Variants in PCBD1 observed in about 807,000 individuals in gnomAD.
PCBD1 encodes pterin-4-alpha-carbinolamine dehydratase.
PCBD1 carries 16 observed loss-of-function variants against 12.6 expected under a neutral mutation model. That is an observed-to-expected ratio of 1.27 (90% CI 0.86 to 1.93). PCBD1 has a LOEUF of 1.93. Ranked by LOEUF, PCBD1 falls within the 30% of genes most tolerant of loss-of-function variation. The pLI, the probability that PCBD1 is intolerant of heterozygous loss-of-function variation, is 0.00. For missense variants in PCBD1, 86 were observed against 130.1 expected, an observed-to-expected ratio of 0.66 and a Z score of 1.65; for synonymous variants, 53 against 50.2, an observed-to-expected ratio of 1.05 and a Z score of -0.23.
At chr10:70,882,964 A>ATC (rs55742262), downstream of PCBD1, among the ~76,000 whole-genome samples, 53,303 of 152,076 alleles carry the variant, frequency 0.35, 9,698 homozygotes, top group South Asian at 0.5. Context: ...TCCTTTGGGC[A>ATC]TCATGTTGGC....
chr10:70,884,656 G>C (rs1846554983), intron 3 of PCBD1, among the ~76,000 whole-genome samples: 1 of 151,854 alleles, frequency 6.6e-6, no homozygotes. Flanking sequence ...TAATTTTTTT[G>C]TGTTTTTAGT....
rs776417813 is a variant in PCBD1 at position 70,884,087 on chromosome 10, C to G, written c.217-39G>C. On this transcript the variant is annotated intron_variant, in intron 3 of 3. Transcript: ENST00000299299. ...AGAAATTCTGCTTCCACTGACTTCA[C>G]TTAAGAACAGGAGGGAGTCACTAGC... 7 of 1,600,872 alleles carry G rather than the reference C, an allele frequency of 4.4e-6. No individual in the cohort carries two copies. The East Asian group carries it at 1.6e-4, about 36-fold the overall frequency.
At chr10:70,884,781 C>G (rs566178128) in intron 3 of PCBD1, among the ~76,000 whole-genome samples, 1 of 152,268 alleles carries the variant, frequency 6.6e-6, no homozygotes, top group African/African-American at 2.4e-5. Flanking sequence ...ATTACTTTTT[C>G]ATTCTTCCAT....
chr10:70,885,976 G>A, intron 1 of PCBD1, 47 bp from the exon 2 acceptor site: 2 of 1,605,934 alleles, frequency 1.2e-6, no homozygotes, highest in Non-Finnish European at 1.7e-6. Flanking sequence ...TCTCTTTATA[G>A]GTCAAAACAG....
chr10:70,885,212 T>TCTTG lies in PCBD1; in HGVS notation c.152_155dup (p.Arg52SerfsTer8), dbSNP rs749580339. On this transcript the variant is annotated frameshift_variant, in exon 3 of 4. Transcript: ENST00000299299. LOFTEE classifies it high-confidence loss of function. ...CCAGTTTCTCAGCCTGCAGGGCCAC[T>TCTTG]CTTGTCATGAACCCAAAGGCCTATT... 5.6e-6 allele frequency: 9 copies of TCTTG among 1,613,960 alleles called. No individual in the cohort carries two copies. The highest frequency in any genetic ancestry group is 1.3e-5 in the African/African-American group (1 of 74,932).
At position 70,885,340 on chromosome 10, in the gene PCBD1, G is replaced by A. The variant is rs539592127; in HGVS notation, c.136-108C>T. On this transcript the variant is annotated intron_variant, in intron 2 of 3. Transcript: ENST00000299299. ...AGGATGAATTAGCTTCCCCCCAGGA[G>A]ACTCCTCTATAATCATTTCCCCCTT... is the stretch of plus-strand genomic sequence containing the variant. 69 of 788,786 alleles carry A rather than the reference G, an allele frequency of 8.7e-5. No homozygotes were observed. The East Asian group carries it at 1.8e-3, about 20-fold the overall frequency. 48.9% of individuals were successfully genotyped at this position (788,786 alleles called of 1,614,324 possible). A position where few individuals can be genotyped will look rare whatever the true frequency, so the allele number is the denominator to read the frequency against.
chr10:70,885,144 T>C lies in PCBD1; in HGVS notation c.216+8A>G. On this transcript the variant is annotated splice_region_variant and intron_variant, in intron 3 of 3. Coordinates refer to ENST00000299299, the MANE Select transcript of PCBD1 (RefSeq NM_000281.4). The stretch of plus-strand genomic sequence containing the variant: ...CAGAGCACAACAGAGGCACACAGCA[T>C]CACTCACCTTGTTGTACACGTTAAA... The C allele has an allele frequency of 6.2e-7, 1 of 1,610,748 alleles. No homozygotes were observed. Among genetic ancestry groups the C allele is most frequent in the Non-Finnish European group, 8.5e-7 (1 of 1,177,504 alleles).
chr10:70,885,903 A>G lies in PCBD1; in HGVS notation c.30T>C (p.Ala10=). The change falls in exon 2 of 4, where the codon GCT becomes GCC. Residue 10 remains alanine, a synonymous_variant. Transcript: ENST00000299299. The stretch of plus-strand genomic sequence containing the variant: ...TTGGCAGCAGCTGGTCCCTCTCCTC[A>G]GCGCTCAGCCTGTGTGCTTTGCCAG... The part of the protein sequence containing the change: MAGKAHRLS[A]EERDQLLPNL... The G allele has an allele frequency of 6.2e-7, 1 of 1,613,936 alleles. No individual in the cohort carries two copies. Among genetic ancestry groups the G allele is most frequent in the Non-Finnish European group, 8.5e-7 (1 of 1,179,964 alleles).
chr10:70,884,540 G>A (rs1846552629), intron 3 of PCBD1, among the ~76,000 whole-genome samples: 1 of 133,572 alleles, frequency 7.5e-6, no homozygotes, highest in Admixed American at 8.5e-5. Context: ...GGAGTGCAGT[G>A]GCTCAATCTC....
At position 70,888,558 on chromosome 10, in the gene PCBD1, G is replaced by A. The variant is rs1167647048; in HGVS notation, c.-25C>T. The A allele has an allele frequency of 1.6e-6, 2 of 1,228,558 alleles. No homozygotes were observed. The highest frequency in any genetic ancestry group is 2.0e-6 in the Non-Finnish European group (2 of 985,142). The allele number at this position is 1,228,558 out of a possible 1,614,324, so 76.1% of individuals were successfully genotyped here. On this transcript the variant is annotated 5_prime_UTR_variant, in exon 1 of 4. Transcript: ENST00000299299. ...TGGCGCGGGCGGCAGCAGGTGGCCA[G>A]CGGAGAGGGCAGGCGGCGGCCGGGC...
At chr10:70,882,352 C>CA (rs908252912), downstream of PCBD1, 1 of 152,162 alleles carries the variant, frequency 6.6e-6, no homozygotes, top group African/African-American at 2.4e-5. Context: ...CCAATACACA[C>CA]AAAGAGATTT....
intron 1 of PCBD1, 74 bp from the exon 2 acceptor site, chr10:70,886,003 AG>A: frequency 1.3e-6 from 2 of 1,571,206 alleles, no homozygotes; most frequent in Non-Finnish European, 1.7e-6. Context: ...TCCAACCTTT[AG>A]GGGAACTTAG....
At chr10:70,885,115 G>A in intron 3 of PCBD1, 37 bp downstream of exon 3, 3 of 1,550,346 alleles carry the variant, frequency 1.9e-6, no homozygotes, top group South Asian at 1.1e-5. Flanking sequence ...TATTTGGATG[G>A]GGGCAGAGCA....
intron 1 of PCBD1, among the ~76,000 whole-genome samples, chr10:70,886,481 C>T (rs1216249679): frequency 1.3e-5 from 2 of 152,238 alleles, no homozygotes; most frequent in African/African-American, 4.8e-5. Context: ...GTCTGCTGTT[C>T]TTTCCCGCCC....
rs1286854958 is a variant in PCBD1 at position 70,883,520 on chromosome 10, T to C, written c.*430A>G. On this transcript the variant is annotated 3_prime_UTR_variant, in exon 4 of 4. Transcript: ENST00000299299. Reference sequence around the variant, plus strand: ...TTCTAGAGCCTGAGACCAAGTGATATAATAGTTTTATTTGAGACATAAAAA... The same window carrying C: ...TTCTAGAGCCTGAGACCAAGTGATACAATAGTTTTATTTGAGACATAAAAA... 3.7e-6 allele frequency: 4 copies of C among 1,092,720 alleles called. No individual in the cohort carries two copies. Among genetic ancestry groups the C allele is most frequent in the Non-Finnish European group, 4.5e-6 (4 of 892,734 alleles). The allele number at this position is 1,092,720 out of a possible 1,614,324, so 67.7% of individuals were successfully genotyped here. A position where few individuals can be genotyped will look rare whatever the true frequency, so the allele number is the denominator to read the frequency against.
At chr10:70,884,507 AGTCTTGCT>A (rs1204511784) in intron 3 of PCBD1, among the ~76,000 whole-genome samples, 17 of 94,150 alleles carry the variant, frequency 1.8e-4, no homozygotes, top group African/African-American at 7.2e-4. Context: ...TTTGAGACGG[AGTCTTGCT>A]CTGTCTCCCA....
chr10:70,886,232 C>T (rs1846581041), intron 1 of PCBD1, among the ~76,000 whole-genome samples: 1 of 152,164 alleles, frequency 6.6e-6, no homozygotes, highest in Admixed American at 6.5e-5. Flanking sequence ...CACTCTTCCC[C>T]CACCCTGCCC....
At position 70,883,678 on chromosome 10, in the gene PCBD1, T is replaced by C. The variant is rs1846532988; in HGVS notation, c.*272A>G. ...AGACGGCCTGGCAAGAAAATCATTA[T>C]TGTTGCTGGGAAGTTGCAAAGAAAG... On this transcript the variant is annotated 3_prime_UTR_variant, in exon 4 of 4. Transcript: ENST00000299299. The C allele has an allele frequency of 7.5e-7, 1 of 1,329,626 alleles. No homozygotes were observed. The allele number at this position is 1,329,626 out of a possible 1,614,324, so 82.4% of individuals were successfully genotyped here.
chr10:70,884,206 T>A (rs1846546213), intron 3 of PCBD1, among the ~76,000 whole-genome samples, 158 bp from the exon 4 acceptor site: 1 of 152,186 alleles, frequency 6.6e-6, no homozygotes, highest in Non-Finnish European at 1.5e-5. Context: ...TAACAACATC[T>A]TCTACATCTC....
Sources: allele counts gnomAD v4.1 joint callset (sites outside exome capture counted in the v4.1 genomes callset), GRCh38; gene constraint gnomAD v4.1.1; transcripts MANE v1.5; gene names NCBI Gene and HGNC (gene_info 2026-07-23, HGNC 2026-07-21).